Variants in CCNH observed in about 807,000 individuals in gnomAD.
The protein encoded by CCNH is cyclin-H.
CCNH carries 31 observed loss-of-function variants against 41.9 expected under a neutral mutation model. The observed-to-expected ratio is 0.74, with a 90% CI of 0.56 to 1.00. CCNH has a LOEUF of 1.00. Among genes scored for constraint, CCNH ranks in the 50% least tolerant of loss-of-function variants. CCNH has a pLI of 0.00. For synonymous variants in CCNH, 138 were observed against 136.1 expected, an observed-to-expected ratio of 1.01 and a Z score of -0.10; for missense variants, 362 against 388.4, an observed-to-expected ratio of 0.93 and a Z score of 0.57.
downstream of CCNH, chr5:87,371,987 A>G (rs1760981392): frequency 6.1e-6 from 4 of 655,786 alleles, no homozygotes; most frequent in Non-Finnish European, 1.1e-5. Flanking sequence ...GAAGTACAGT[A>G]TAGTCTGAGA....
chr5:87,344,678 ATT>A (rs113174684), intron 9 of CCNH, among the ~76,000 whole-genome samples: 20 of 131,210 alleles, frequency 1.5e-4, no homozygotes, highest in South Asian at 2.4e-4. Flanking sequence ...AAATGTTGTA[ATT>A]TTTTTTTTTT....
downstream of CCNH, chr5:87,394,008 T>C (rs1235608368): frequency 1.3e-5 from 2 of 153,248 alleles, no homozygotes; most frequent in Non-Finnish European, 2.9e-5. Flanking sequence ...TGAAATACCT[T>C]CTGCAGTTTA....
At chr5:87,317,647 T>C (rs1260616080), downstream of CCNH, among the ~76,000 whole-genome samples, 2 of 151,990 alleles carry the variant, frequency 1.3e-5, no homozygotes, top group Admixed American at 1.3e-4. Context: ...TTTTTTTTTT[T>C]TCTTTTGAGA....
intron 9 of CCNH, chr5:87,353,260 A>G (rs183788381): frequency 1.8e-5 from 28 of 1,534,752 alleles, no homozygotes; most frequent in East Asian, 6.8e-5. Context: ...TCTTATTGCA[A>G]TAATTAGCAT....
chr5:87,320,081 A>G (rs1270485019), intron 9 of CCNH, among the ~76,000 whole-genome samples: 3 of 152,190 alleles, frequency 2.0e-5, no homozygotes, highest in African/African-American at 7.2e-5. Context: ...AGTCTCTGCT[A>G]AATCATAGCA....
At chr5:87,374,811 G>T, downstream of CCNH, 1 of 1,602,242 alleles carries the variant, frequency 6.2e-7, no homozygotes, top group Non-Finnish European at 8.5e-7. Flanking sequence ...AAAACATTTT[G>T]TTAATTCTTT....
At position 87,408,134 on chromosome 5, in the gene CCNH, G is replaced by A; in HGVS notation, c.367C>T (p.Pro123Ser). Reference sequence around the variant, plus strand: ...TCCCGGAGGTTTCCAACAAACTGAGGACTAGATACATTGAATTCATCTACT... The same window carrying A: ...TCCCGGAGGTTTCCAACAAACTGAGAACTAGATACATTGAATTCATCTACT... ...CKVDEFNVSS[P>S]QFVGNLRESP... Residue 123 changes from proline to serine, a missense_variant, in exon 4 of 9, where the codon CCT (proline) becomes TCT (serine). Pro to Ser is a moderately conservative substitution (Grantham distance 74). Transcript: ENST00000256897. The A allele has an allele frequency of 6.3e-7, 1 of 1,590,430 alleles. No individual in the cohort carries two copies. Among genetic ancestry groups the A allele is most frequent in the Admixed American group, 1.7e-5 (1 of 59,160 alleles).
chr5:87,375,409 C>T (rs1165750146), downstream of CCNH, among the ~76,000 whole-genome samples: 2 of 151,928 alleles, frequency 1.3e-5, 1 homozygote, highest in African/African-American at 4.8e-5. Flanking sequence ...TACAGGCGCC[C>T]GCCACCATAC....
chr5:87,377,165 T>C (rs536452761), exon 1 of CCNH: 450 of 1,289,870 alleles, frequency 3.5e-4, no homozygotes, highest in Non-Finnish European at 4.7e-4. Context: ...TTATTCTGTT[T>C]TCCCTCCTTA....
At chr5:87,356,203 A>G (rs1231407250) in intron 9 of CCNH, among the ~76,000 whole-genome samples, 1 of 152,156 alleles carries the variant, frequency 6.6e-6, no homozygotes, top group East Asian at 1.9e-4. Context: ...ACAGCATTAT[A>G]GGGAATTTCT....
chr5:87,357,072 C>T (rs1759705058), intron 9 of CCNH, among the ~76,000 whole-genome samples: 1 of 152,168 alleles, frequency 6.6e-6, no homozygotes, highest in Non-Finnish European at 1.5e-5. Context: ...AGGTCTTACA[C>T]TTTAATGTGC....
chr5:87,324,397 G>T (rs1464243534), intron 9 of CCNH, among the ~76,000 whole-genome samples: 2 of 152,088 alleles, frequency 1.3e-5, no homozygotes, highest in Non-Finnish European at 2.9e-5. Context: ...GGGAGTTAAA[G>T]GTAGTAAAAA....
intron 9 of CCNH, among the ~76,000 whole-genome samples, chr5:87,368,356 A>G (rs1760680734): frequency 6.6e-6 from 1 of 152,038 alleles, no homozygotes; most frequent in African/African-American, 2.4e-5. Flanking sequence ...TATTTTCTTA[A>G]ACATTTTAAT....
chr5:87,374,147 A>ATT (rs377722838), downstream of CCNH: 100 of 1,006,508 alleles, frequency 9.9e-5, no homozygotes, highest in African/African-American at 3.7e-4. Context: ...ATATATATAT[A>ATT]TTTTTTTTTT....
In CCNH at chr5:87,395,105, C is replaced by G. The variant is rs1160950846; in HGVS notation, c.873-1G>C. ...ATCTTCATAGCCTTTCCTCTTCTTC[C>G]TATAATTAAGCAACTATCAATAAGC... On this transcript the variant is annotated splice_acceptor_variant, in intron 7 of 8. Coordinates refer to ENST00000256897, the MANE Select transcript of CCNH (RefSeq NM_001239.4). LOFTEE classifies it high-confidence loss of function. 1 of 1,608,548 alleles carries G rather than the reference C, an allele frequency of 6.2e-7. No individual in the cohort carries two copies. The highest frequency in any genetic ancestry group is 8.5e-7 in the Non-Finnish European group (1 of 1,177,316).
chr5:87,319,793 T>C (rs747441183), intron 9 of CCNH, among the ~76,000 whole-genome samples: 2 of 152,218 alleles, frequency 1.3e-5, no homozygotes, highest in Non-Finnish European at 2.9e-5. Context: ...TTATGTAAAT[T>C]TCTACCACTG....
chr5:87,317,135 A>T (rs995650568), downstream of CCNH, among the ~76,000 whole-genome samples: 1 of 152,124 alleles, frequency 6.6e-6, no homozygotes, highest in Admixed American at 6.5e-5. Context: ...TGCCCGCCTT[A>T]ACCTCCCAAA....
At chr5:87,375,971 TTTC>T (rs1244091090), downstream of CCNH, among the ~76,000 whole-genome samples, 2 of 152,214 alleles carry the variant, frequency 1.3e-5, no homozygotes, top group African/African-American at 2.4e-5. Flanking sequence ...TTTCACTACT[TTTC>T]TTCTTAGCTA....
chr5:87,405,273 C>T (rs1411220698), intron 4 of CCNH, among the ~76,000 whole-genome samples: 3 of 152,166 alleles, frequency 2.0e-5, no homozygotes, highest in Non-Finnish European at 4.4e-5. Context: ...CAGGTAAATG[C>T]TTCTCTCAGG....
Sources: gnomAD v4.1 joint callset for allele counts (sites outside exome capture counted in the v4.1 genomes callset) on GRCh38, gnomAD v4.1.1 for gene constraint, MANE v1.5 for transcripts, NCBI Gene and HGNC (gene_info 2026-07-23, HGNC 2026-07-21) for gene names.